The following CBLN2 variants were observed in gnomAD, a reference collection of about 807,000 sequenced individuals.
The protein encoded by CBLN2 is cerebellin 2 precursor.
A neutral mutation model predicts 15.0 loss-of-function variants in CBLN2; 7 were observed. That is an observed-to-expected ratio of 0.47 (90% CI 0.27 to 0.88). CBLN2 has a LOEUF of 0.88. Among genes scored for constraint, CBLN2 ranks in the 40% least tolerant of loss-of-function variants. The pLI, the probability that CBLN2 is intolerant of heterozygous loss-of-function variation, is 0.14. For missense variants in CBLN2, 242 were observed against 304.5 expected (o/e 0.79, Z 1.53); for synonymous variants, 149 against 135.2 (o/e 1.10, Z -0.71).
intron 1 of CBLN2, among the ~76,000 whole-genome samples, chr18:72,581,778 C>T (rs1599009460): frequency 6.6e-6 from 1 of 152,160 alleles, no homozygotes; most frequent in South Asian, 2.1e-4. Context: ...GTTTTGTATG[C>T]TGCTTAAATA....
intron 1 of CBLN2, among the ~76,000 whole-genome samples, chr18:72,605,129 C>T (rs2069574777): frequency 1.3e-5 from 2 of 152,192 alleles, no homozygotes. Context: ...CCTTCTTCCT[C>T]TCTTAAAATT....
At chr18:72,606,675 G>C (rs1443089108) in intron 1 of CBLN2, among the ~76,000 whole-genome samples, 1 of 152,208 alleles carries the variant, frequency 6.6e-6, no homozygotes, top group East Asian at 1.9e-4. Flanking sequence ...AGCTGCTTAA[G>C]AAACAGGGCA....
rs1346486693 is a variant in CBLN2, at chr18:72,627,861, CA to C, written c.15+10463del. Among the ~76,000 whole-genome samples, 11 of 152,280 alleles carry C rather than the reference CA, an allele frequency of 7.2e-5. No homozygotes were observed. The South Asian group carries it at 1.2e-3, about 17-fold the overall frequency. ...TATTTCTTATATGTATAGCTTCAGA[CA>C]TTGTTCTATTTTATGCAGTAATTTA... On this transcript the variant is annotated intron_variant, in intron 1 of 2. Coordinates refer to the CBLN2 transcript ENST00000581073.
chr18:72,603,000 G>A (rs1463121127), intron 1 of CBLN2, among the ~76,000 whole-genome samples: 2 of 152,214 alleles, frequency 1.3e-5, no homozygotes, highest in Non-Finnish European at 2.9e-5. Flanking sequence ...AGCGGGACAG[G>A]TTGCCTAAGC....
rs191161639 is a variant in CBLN2, at chr18:72,569,269, C to T, written c.16-30497G>A. On this transcript the variant is annotated intron_variant, in intron 1 of 2. Transcript: ENST00000581073. The stretch of plus-strand genomic sequence containing the variant: ...TGTTAATATAACAATAATTTATAAC[C>T]ACTAAAATTGTAATATAGACATCAT... 2.0e-5 allele frequency among the ~76,000 whole-genome samples: 3 copies of T among 151,932 alleles called. No individual in the cohort carries two copies. The East Asian group carries it at 5.8e-4, about 29-fold the overall frequency.
At position 72,553,185 on chromosome 18, in the gene CBLN2, G is replaced by C. The variant is rs576987959; in HGVS notation, c.16-14413C>G. 6.6e-5 allele frequency among the ~76,000 whole-genome samples: 10 copies of C among 152,244 alleles called. No individual in the cohort carries two copies. The East Asian group carries it at 1.5e-3, about 24-fold the overall frequency. On this transcript the variant is annotated intron_variant, in intron 1 of 2. Transcript: ENST00000581073. ...GAGAAACTGTCTTGTCTCTCCCTGGGCTTCACTACTCTGATTTACGTGTTC... is the reference window on the plus strand; with the variant it reads ...GAGAAACTGTCTTGTCTCTCCCTGGCCTTCACTACTCTGATTTACGTGTTC...
chr18:72,637,736 A>AC (rs35774934), intron 1 of CBLN2, among the ~76,000 whole-genome samples: 1 of 151,896 alleles, frequency 6.6e-6, no homozygotes, highest in Non-Finnish European at 1.5e-5. Context: ...TGACAGGGGA[A>AC]CCCCCCATCC....
Position 72,543,679 on chromosome 18 carries a change from G to T in CBLN2, c.-211-149C>A, listed in dbSNP as rs1424924331. On this transcript the variant is annotated intron_variant, in intron 1 of 4. Coordinates refer to ENST00000269503, the MANE Select transcript of CBLN2 (RefSeq NM_182511.4). This position sits in a 1 kb window ranked among gnomAD's most constrained non-coding sequence, Gnocchi z 6.8. ...CCGCTTCAGGGGTGCACCACGCCCCGCGCGCCCGCTTAGGCGCCGCGCCCG... is the reference window on the plus strand; with the variant it reads ...CCGCTTCAGGGGTGCACCACGCCCCTCGCGCCCGCTTAGGCGCCGCGCCCG... The T allele has an allele frequency of 2.8e-6, 1 of 358,692 alleles. No homozygotes were observed. The highest frequency in any genetic ancestry group is 4.0e-5 in the East Asian group (1 of 25,080). The allele number at this position is 358,692 out of a possible 1,614,324, so 22.2% of individuals were successfully genotyped here.
At chr18:72,549,876 T>A (rs948273421) in intron 1 of CBLN2, among the ~76,000 whole-genome samples, 1 of 152,014 alleles carries the variant, frequency 6.6e-6, no homozygotes, top group South Asian at 2.1e-4. Context: ...GGCAAATGCT[T>A]ACCTAGGGTT....
intron 1 of CBLN2, among the ~76,000 whole-genome samples, chr18:72,609,253 A>G (rs1410858453): frequency 6.6e-6 from 1 of 152,214 alleles, no homozygotes; most frequent in Non-Finnish European, 1.5e-5. Context: ...TATATGTTGT[A>G]TCTAAATCCA....
intron 1 of CBLN2, among the ~76,000 whole-genome samples, chr18:72,599,770 A>G (rs571011920): frequency 2.0e-5 from 3 of 152,348 alleles, no homozygotes; most frequent in Non-Finnish European, 2.9e-5. Flanking sequence ...CAAATGATGG[A>G]TCTGGCTTTC....
intron 1 of CBLN2, among the ~76,000 whole-genome samples, chr18:72,616,647 T>C (rs2069664598): frequency 6.6e-6 from 1 of 152,212 alleles, no homozygotes; most frequent in Non-Finnish European, 1.5e-5. Context: ...TCTCTATAAA[T>C]GGATTAATGG....
chr18:72,551,163 A>C (rs1452806794), intron 1 of CBLN2, among the ~76,000 whole-genome samples: 1 of 152,152 alleles, frequency 6.6e-6, no homozygotes, highest in East Asian at 1.9e-4. Context: ...TCCGATGCTT[A>C]TTAAATACAA....
chr18:72,576,880 A>AAT (rs970444471), intron 1 of CBLN2, among the ~76,000 whole-genome samples: 2 of 148,884 alleles, frequency 1.3e-5, no homozygotes, highest in African/African-American at 4.9e-5. Context: ...ATTAATGACA[A>AAT]ATATATATAT....
intron 1 of CBLN2, among the ~76,000 whole-genome samples, chr18:72,575,350 AGACAGGGATATTTTG>A (rs2069358585): frequency 6.6e-6 from 1 of 152,204 alleles, no homozygotes; most frequent in South Asian, 2.1e-4. Context: ...ATCCATGTTA[AGACAGGGATATTTTG>A]GACAGAGTGG....
chr18:72,572,893 A>G (rs756131010), intron 1 of CBLN2, among the ~76,000 whole-genome samples: 4 of 152,072 alleles, frequency 2.6e-5, no homozygotes, highest in Non-Finnish European at 5.9e-5. Flanking sequence ...TTAAAATTTA[A>G]GTATGCTAAA....
At chr18:72,549,346 T>A (rs959839837) in intron 1 of CBLN2, among the ~76,000 whole-genome samples, 1 of 152,266 alleles carries the variant, frequency 6.6e-6, no homozygotes, top group Non-Finnish European at 1.5e-5. Context: ...ATGCTGATGC[T>A]GCTGGTCTAT....
chr18:72,566,011 T>A lies in CBLN2; in HGVS notation c.16-27239A>T, dbSNP rs184966867. On this transcript the variant is annotated intron_variant, in intron 1 of 2. Coordinates refer to the CBLN2 transcript ENST00000581073. ...GATTTTTTTAAATGAGCAAAAGAGC[T>A]AAGTAGACATTTCTCCGAAGAAGAC... 5.9e-5 allele frequency among the ~76,000 whole-genome samples: 9 copies of A among 152,144 alleles called. No individual in the cohort carries two copies. The East Asian group carries it at 1.5e-3, about 26-fold the overall frequency.
chr18:72,569,107 G>A (rs181678224), intron 1 of CBLN2, among the ~76,000 whole-genome samples: 7 of 152,176 alleles, frequency 4.6e-5, no homozygotes, highest in South Asian at 2.1e-4. Flanking sequence ...TGATACCACC[G>A]GAGTCGTTAC....
Sources: allele counts gnomAD v4.1 joint callset (sites outside exome capture counted in the v4.1 genomes callset), GRCh38; gene constraint gnomAD v4.1.1; non-coding constraint Gnocchi (gnomAD v3.1); transcripts MANE v1.5; gene names NCBI Gene and HGNC (gene_info 2026-07-23, HGNC 2026-07-21).